FETUB: variants seen among roughly 807,000 people sequenced by gnomAD.
The protein encoded by FETUB is fetuin B.
Under a neutral mutation model 30.9 loss-of-function variants are expected in FETUB, and 28 were observed. The observed-to-expected ratio is 0.90, with a 90% CI of 0.67 to 1.24. The LOEUF (loss-of-function observed/expected upper bound fraction) is 1.24, where lower values mean the gene tolerates loss of function less well. Ranked by LOEUF, FETUB falls within the 50% of genes most tolerant of loss-of-function variation. The pLI, the probability that FETUB is intolerant of heterozygous loss-of-function variation, is 0.00. For missense variants in FETUB, 469 were observed against 455.3 expected (o/e 1.03, Z -0.27); for synonymous variants, 186 against 175.9 (o/e 1.06, Z -0.45).
intron 6 of FETUB, 72 bp from the exon 7 acceptor site, chr3:186,652,191 A>G (rs1718101027): frequency 6.8e-7 from 1 of 1,476,832 alleles, no homozygotes; most frequent in Non-Finnish European, 9.1e-7. Flanking sequence ...GGCACAGATC[A>G]GCTTAGGCTG....
At chr3:186,643,951 G>A (rs1717278868) in intron 3 of FETUB, among the ~76,000 whole-genome samples, 3 of 151,630 alleles carry the variant, frequency 2.0e-5, no homozygotes. Context: ...TTGTTTTCTG[G>A]CTCACTTGCA....
rs1716962454 is a variant in FETUB, at chr3:186,640,637, C to T, written c.177C>T (p.Gly59=). Residue 59 remains glycine, a synonymous_variant, in exon 1 of 7, where the codon GGC becomes GGT. Coordinates refer to ENST00000265029, the MANE Select transcript of FETUB (RefSeq NM_014375.3). The part of the protein sequence containing the change: ...LRDINKDRKD[G]YVLRLNRVND... ...ATATTAACAAAGACAGAAAGGATGG[C>T]TATGTGCTGAGACTCAACCGAGTGA... 6.2e-6 allele frequency: 10 copies of T among 1,614,142 alleles called. No homozygotes were observed. The highest frequency in any genetic ancestry group is 2.2e-5 in the East Asian group (1 of 44,876).
At chr3:186,643,780 A>G (rs1055408066) in intron 3 of FETUB, among the ~76,000 whole-genome samples, 3 of 152,128 alleles carry the variant, frequency 2.0e-5, no homozygotes, top group African/African-American at 7.2e-5. Flanking sequence ...ATAAACACAA[A>G]ATTTCTAAAA....
chr3:186,636,581 T>C (rs946280219), upstream of FETUB, among the ~76,000 whole-genome samples: 1 of 151,748 alleles, frequency 6.6e-6, no homozygotes, highest in East Asian at 1.9e-4. Flanking sequence ...TTCCACACAT[T>C]GTCTAAATAT....
chr3:186,642,382 A>G (rs1717136613), intron 2 of FETUB, 89 bp from the exon 3 acceptor site: 13 of 791,002 alleles, frequency 1.6e-5, no homozygotes, highest in Admixed American at 2.3e-5. Flanking sequence ...TAACTACTTT[A>G]AAAGAAAATG....
upstream of FETUB, among the ~76,000 whole-genome samples, chr3:186,640,131 T>A (rs182949242): frequency 8.5e-5 from 13 of 152,206 alleles, no homozygotes; most frequent in Non-Finnish European, 1.0e-4. Context: ...CAGTCCTCCA[T>A]ATTCCTATTC....
chr3:186,652,307 T>C lies in FETUB; in HGVS notation c.825T>C (p.Pro275=), dbSNP rs776252393. The C allele has an allele frequency of 1.3e-6, 2 of 1,588,232 alleles. No homozygotes were observed. The change falls in exon 7 of 7, where the codon CCT becomes CCC. Residue 275 remains proline, a synonymous_variant. Coordinates refer to ENST00000265029, the MANE Select transcript of FETUB (RefSeq NM_014375.3). The part of the protein sequence containing the change: ...GSENSAVNQK[P]TNLPKVEESQ... ...AAAACTCTGCTGTTAACCAGAAACC[T>C]ACAAACCTTCCCAAGGTGGAAGAAT...
chr3:186,648,267 C>G (rs1471329568), intron 5 of FETUB, among the ~76,000 whole-genome samples: 3 of 152,088 alleles, frequency 2.0e-5, no homozygotes, highest in African/African-American at 7.2e-5. Flanking sequence ...ATGTAGTTGC[C>G]TTGGCATACT....
rs1330667602 is a variant in FETUB, at chr3:186,646,116, GAAC to G, written c.595-127_595-125del. ...GGTTTGATCAGTGTGGGGATTTGCG[GAAC>G]AACAGATATGTGCCTTGACAATGCC... On this transcript the variant is annotated intron_variant, in intron 4 of 6. Coordinates refer to ENST00000265029, the MANE Select transcript of FETUB (RefSeq NM_014375.3). 9 of 650,862 alleles carry G rather than the reference GAAC, an allele frequency of 1.4e-5. No homozygotes were observed. In the South Asian group the frequency reaches 1.4e-4, roughly 10 times the overall value. 40.3% of individuals were successfully genotyped at this position (650,862 alleles called of 1,614,324 possible).
upstream of FETUB, among the ~76,000 whole-genome samples, chr3:186,638,677 GC>G (rs1265051937): frequency 6.6e-6 from 1 of 152,134 alleles, no homozygotes; most frequent in Admixed American, 6.5e-5. Flanking sequence ...TTTGAGTCCT[GC>G]CTTTTATTTT....
At chr3:186,641,198 C>G in intron 2 of FETUB, 58 bp downstream of exon 2, 1 of 1,014,660 alleles carries the variant, frequency 9.9e-7, no homozygotes, top group East Asian at 2.5e-5. Context: ...TAGGTACACT[C>G]TTTCTACAGG....
chr3:186,642,498 T>C lies in FETUB; in HGVS notation c.364T>C (p.Tyr122His), dbSNP rs184142108. The change falls in exon 3 of 7, where the codon TAT (tyrosine) becomes CAT (histidine). Residue 122 changes from tyrosine (Y) to histidine (H), a missense_variant. Transcript: ENST00000265029. The stretch of plus-strand genomic sequence containing the variant: ...TTATGGTCAATGCAAAGCAATATTT[T>C]ATATGAACAACCCAAGTAGAGTTCT... ...SVYGQCKAIF[Y>H]MNNPSRVLYL... 3.7e-6 allele frequency: 6 copies of C among 1,609,938 alleles called. No homozygotes were observed. In the Admixed American group the frequency reaches 1.0e-4, roughly 27 times the overall value.
rs911763789 is a variant in FETUB at position 186,648,176 on chromosome 3, C to T, written c.696+1827C>T. ...TTGAGTTTTTGTACACGGTGTGAGG[C>T]AGGGAGTTCAACTTCATTCTTTTGC... is the stretch of plus-strand genomic sequence containing the variant. On this transcript the variant is annotated intron_variant, in intron 5 of 6. Coordinates refer to ENST00000265029, the MANE Select transcript of FETUB (RefSeq NM_014375.3). 2.0e-5 allele frequency among the ~76,000 whole-genome samples: 3 copies of T among 152,276 alleles called. No homozygotes were observed. In the South Asian group the frequency reaches 6.2e-4, roughly 32 times the overall value.
At chr3:186,646,893 A>C (rs1579046671) in intron 5 of FETUB, 2 of 152,476 alleles carry the variant, frequency 1.3e-5, no homozygotes, top group South Asian at 4.1e-4. Flanking sequence ...TAAGGTGTAC[A>C]GTTCAGTAGT....
chr3:186,642,480 C>T lies in FETUB; in HGVS notation c.346C>T (p.Gln116Ter). 6.3e-7 allele frequency: 1 copy of T among 1,597,150 alleles called. No individual in the cohort carries two copies. Among genetic ancestry groups the T allele is most frequent in the Non-Finnish European group, 8.6e-7 (1 of 1,165,916 alleles). Residue 116 changes from glutamine (Q) to a stop codon, truncating the protein, a stop_gained, in exon 3 of 7, where the codon CAA becomes TAA. Coordinates refer to ENST00000265029, the MANE Select transcript of FETUB (RefSeq NM_014375.3). LOFTEE classifies it high-confidence loss of function. ...MRIFFESVYG[Q>*]CKAIFYMNNP... ...CATTTGTTGGTTTCAGGTTTATGGTCAATGCAAAGCAATATTTTATATGAA... is the reference window on the plus strand; with the variant it reads ...CATTTGTTGGTTTCAGGTTTATGGTTAATGCAAAGCAATATTTTATATGAA...
At chr3:186,650,799 A>G (rs1717964163) in intron 5 of FETUB, among the ~76,000 whole-genome samples, 1 of 152,334 alleles carries the variant, frequency 6.6e-6, no homozygotes, top group East Asian at 1.9e-4. Context: ...TTAAGTAAAG[A>G]GAAATTTAAG....
chr3:186,644,799 T>C lies in FETUB; in HGVS notation c.473T>C (p.Ile158Thr). ...ACGTGCCCTGACTGCCCAAGCTCCA[T>C]ACCCACTGACTCTTCCAATCACCAA... ...YMTCPDCPSSIPTDSSNHQVL... is the reference protein window; with the variant it reads ...YMTCPDCPSSTPTDSSNHQVL... The change falls in exon 4 of 7, where the codon ATA (isoleucine) becomes ACA (threonine). Residue 158 changes from isoleucine (I) to threonine (T), a missense_variant. Ile to Thr is a moderately conservative substitution (Grantham distance 89, BLOSUM62 -1). Coordinates refer to ENST00000265029, the MANE Select transcript of FETUB (RefSeq NM_014375.3). The C allele has an allele frequency of 2.5e-6, 4 of 1,613,754 alleles. No individual in the cohort carries two copies. The highest frequency in any genetic ancestry group is 1.7e-5 in the Admixed American group (1 of 59,956).
chr3:186,642,118 T>A (rs2108518101), intron 2 of FETUB: 1 of 188,126 alleles, frequency 5.3e-6, no homozygotes, highest in Non-Finnish European at 1.1e-5. Flanking sequence ...TACCTGCTCA[T>A]CTGCATCAAG....
At position 186,652,348 on chromosome 3, in the gene FETUB, C is replaced by G. The variant is rs540157028; in HGVS notation, c.866C>G (p.Thr289Ser). The change falls in exon 7 of 7, where the codon ACC (threonine) becomes AGC (serine). Residue 289 changes from threonine (T) to serine (S), a missense_variant. Physicochemically the swap from Thr to Ser is moderately conservative, Grantham distance 58. Transcript: ENST00000265029. The stretch of plus-strand genomic sequence containing the variant: ...GTGGAAGAATCCCAGCAGAAAAACA[C>G]CCCCCCAACAGACTCCCCCTCCAAA... Reference protein sequence around the residue: ...PKVEESQQKNTPPTDSPSKAG... With the variant: ...PKVEESQQKNSPPTDSPSKAG... The G allele has an allele frequency of 6.2e-7, 1 of 1,607,440 alleles. No individual in the cohort carries two copies. Among genetic ancestry groups the G allele is most frequent in the South Asian group, 1.1e-5 (1 of 90,314 alleles).
Sources: gnomAD v4.1 joint callset for allele counts (sites outside exome capture counted in the v4.1 genomes callset) on GRCh38, gnomAD v4.1.1 for gene constraint, MANE v1.5 for transcripts, NCBI Gene and HGNC (gene_info 2026-07-23, HGNC 2026-07-21) for gene names.